Variants in CFL2 observed in about 807,000 individuals in gnomAD.
CFL2 encodes cofilin-2.
In CFL2, 10 loss-of-function variants were observed where a neutral mutation model predicts 19.6. The observed-to-expected ratio is 0.51, with a 90% CI of 0.31 to 0.86. CFL2 has a LOEUF of 0.86. Among genes scored for constraint, CFL2 ranks in the 40% least tolerant of loss-of-function variants. The pLI is 0.04. For synonymous variants in CFL2, 63 were observed against 66.7 expected (o/e 0.95, Z 0.27); for missense variants, 125 against 192.1 (o/e 0.65, Z 2.06).
chr14:34,709,539 C>T lies in CFL2; in HGVS notation c.*3326G>A, dbSNP rs1301340375. 6.8e-6 allele frequency: 1 copy of T among 147,444 alleles called. No homozygotes were observed. The highest frequency in any genetic ancestry group is 2.5e-5 in the African/African-American group (1 of 39,794). The allele number at this position is 147,444 out of a possible 1,614,324, so 9.1% of individuals were successfully genotyped here. On this transcript the variant is annotated 3_prime_UTR_variant, in exon 4 of 4. Coordinates refer to ENST00000298159, the MANE Select transcript of CFL2 (RefSeq NM_138638.5). ...ATGCAATCCTAGCACTTTTGGGAGG[C>T]GGAGGTCAGAGGACAGCTTGAGCCC...
chr14:34,713,798 A>T, intron 1 of CFL2: 2 of 1,601,158 alleles, frequency 1.2e-6, no homozygotes, highest in African/African-American at 1.3e-5. Context: ...CGAAAGGGAC[A>T]AATACAAGTT....
chr14:34,713,803 C>CA, intron 1 of CFL2: 2 of 1,594,128 alleles, frequency 1.3e-6, no homozygotes, highest in Non-Finnish European at 1.7e-6. Context: ...GGGACAAATA[C>CA]AAGTTGTCCC....
Position 34,711,468 on chromosome 14 carries a change from G to T in CFL2, c.*1397C>A, listed in dbSNP as rs1246841717. On this transcript the variant is annotated 3_prime_UTR_variant, in exon 4 of 4. Transcript: ENST00000298159. Reference sequence around the variant, plus strand: ...AATCCCACTACTAATGTTTAAGACTGCTATTATCAATTCCTATTCCAATTC... The same window carrying T: ...AATCCCACTACTAATGTTTAAGACTTCTATTATCAATTCCTATTCCAATTC... 8.2e-6 allele frequency: 3 copies of T among 363,640 alleles called. No individual in the cohort carries two copies. Among genetic ancestry groups the T allele is most frequent in the Non-Finnish European group, 1.6e-5 (3 of 183,914 alleles). The allele number at this position is 363,640 out of a possible 1,614,324, so 22.5% of individuals were successfully genotyped here.
In CFL2 at chr14:34,712,324, T is replaced by C. The variant is rs144345993; in HGVS notation, c.*541A>G. 430 of 454,584 alleles carry C rather than the reference T, an allele frequency of 9.5e-4. No homozygotes were observed. Among genetic ancestry groups the C allele is most frequent in the Non-Finnish European group, 1.5e-3 (331 of 226,796 alleles). 28.2% of individuals were successfully genotyped at this position (454,584 alleles called of 1,614,324 possible). A position where few individuals can be genotyped will look rare whatever the true frequency, so the allele number is the denominator to read the frequency against. ...CACAGTTAACAAAACTTAATTGGCA[T>C]TCCTTTTAGGATATTAAACTTATTA... is the stretch of plus-strand genomic sequence containing the variant. On this transcript the variant is annotated 3_prime_UTR_variant, in exon 4 of 4. Coordinates refer to ENST00000298159, the MANE Select transcript of CFL2 (RefSeq NM_138638.5).
Position 34,714,576 on chromosome 14 carries a change from C to G in CFL2, c.-36G>C. On this transcript the variant is annotated 5_prime_UTR_variant, in exon 1 of 4. Coordinates refer to ENST00000298159, the MANE Select transcript of CFL2 (RefSeq NM_138638.5). ...GCTGTGGCTGCGGCGGCAGCTCGGG[C>G]TTCGGCTCTGTGGCACTGGGAGGAG... is the stretch of plus-strand genomic sequence containing the variant. 6.4e-7 allele frequency: 1 copy of G among 1,551,230 alleles called. No individual in the cohort carries two copies. Among genetic ancestry groups the G allele is most frequent in the Non-Finnish European group, 8.7e-7 (1 of 1,143,690 alleles).
Position 34,712,130 on chromosome 14 carries a change from T to G in CFL2, c.*735A>C. The G allele has an allele frequency of 4.4e-6, 2 of 454,518 alleles. No homozygotes were observed. The highest frequency in any genetic ancestry group is 1.6e-5 in the South Asian group (1 of 64,480). 28.2% of individuals were successfully genotyped at this position (454,518 alleles called of 1,614,324 possible). A position where few individuals can be genotyped will look rare whatever the true frequency, so the allele number is the denominator to read the frequency against. ...CAGAAATTGCCATCATGACTGATAT[T>G]CAAAATATCTTTAGTGTTGCAGGAC... On this transcript the variant is annotated 3_prime_UTR_variant, in exon 4 of 4. Coordinates refer to ENST00000298159, the MANE Select transcript of CFL2 (RefSeq NM_138638.5).
rs1365495905 is a variant in CFL2, at chr14:34,710,690, T to C, written c.*2175A>G. On this transcript the variant is annotated 3_prime_UTR_variant, in exon 4 of 4. Transcript: ENST00000298159. ...TACGCACAAAGATGTATTTCAAAGATGAACTTAATTATATTAGTATCAGTT... is the reference window on the plus strand; with the variant it reads ...TACGCACAAAGATGTATTTCAAAGACGAACTTAATTATATTAGTATCAGTT... 4.4e-6 allele frequency: 2 copies of C among 451,588 alleles called. No individual in the cohort carries two copies. Among genetic ancestry groups the C allele is most frequent in the African/African-American group, 2.0e-5 (1 of 49,958 alleles). The allele number at this position is 451,588 out of a possible 1,614,324, so 28.0% of individuals were successfully genotyped here. A position where few individuals can be genotyped will look rare whatever the true frequency, so the allele number is the denominator to read the frequency against.
chr14:34,709,787 C>CA lies in CFL2; in HGVS notation c.*3077dup, dbSNP rs71453649. 0.017 allele frequency: 1,190 copies of CA among 69,480 alleles called. 66 individuals carry two copies. Among genetic ancestry groups the CA allele is most frequent in the East Asian group, 0.17 (440 of 2,576 alleles). The allele number at this position is 69,480 out of a possible 1,614,324, so 4.3% of individuals were successfully genotyped here. ...TGGGCAACAGAGTGAGACCCTGTCT[C>CA]AAAAAAAAAAAAAAAAAAAGGCAAC... On this transcript the variant is annotated 3_prime_UTR_variant, in exon 4 of 4. Transcript: ENST00000298159.
chr14:34,711,293 C>T lies in CFL2; in HGVS notation c.*1572G>A, dbSNP rs982174507. ...TTACTAGCATGCCTGTTTTGCATAC[C>T]AGTAGAATCAAGTCCAGTTTTGCCA... On this transcript the variant is annotated 3_prime_UTR_variant, in exon 4 of 4. Coordinates refer to ENST00000298159, the MANE Select transcript of CFL2 (RefSeq NM_138638.5). 4.4e-6 allele frequency: 2 copies of T among 454,456 alleles called. No homozygotes were observed. Among genetic ancestry groups the T allele is most frequent in the Non-Finnish European group, 4.4e-6 (1 of 226,788 alleles). 28.2% of individuals were successfully genotyped at this position (454,456 alleles called of 1,614,324 possible). A position where few individuals can be genotyped will look rare whatever the true frequency, so the allele number is the denominator to read the frequency against.
At position 34,712,189 on chromosome 14, in the gene CFL2, C is replaced by A. The variant is rs1458315720; in HGVS notation, c.*676G>T. On this transcript the variant is annotated 3_prime_UTR_variant, in exon 4 of 4. Coordinates refer to ENST00000298159, the MANE Select transcript of CFL2 (RefSeq NM_138638.5). Reference sequence around the variant, plus strand: ...TAAACATAAAACTCCTACACTTATTCAGTAGTGTACACTCAATGGAAAACA... The same window carrying A: ...TAAACATAAAACTCCTACACTTATTAAGTAGTGTACACTCAATGGAAAACA... The A allele has an allele frequency of 2.2e-6, 1 of 454,434 alleles. No homozygotes were observed. The highest frequency in any genetic ancestry group is 2.3e-5 in the Admixed American group (1 of 42,558). 28.2% of individuals were successfully genotyped at this position (454,434 alleles called of 1,614,324 possible). A position where few individuals can be genotyped will look rare whatever the true frequency, so the allele number is the denominator to read the frequency against.
In CFL2 at chr14:34,712,127, T is replaced by TA; in HGVS notation, c.*737dup. On this transcript the variant is annotated 3_prime_UTR_variant, in exon 4 of 4. Coordinates refer to ENST00000298159, the MANE Select transcript of CFL2 (RefSeq NM_138638.5). ...ATACAGAAATTGCCATCATGACTGA[T>TA]ATTCAAAATATCTTTAGTGTTGCAG... 2.2e-6 allele frequency: 1 copy of TA among 454,554 alleles called. No individual in the cohort carries two copies. The highest frequency in any genetic ancestry group is 1.6e-5 in the South Asian group (1 of 64,478). The allele number at this position is 454,554 out of a possible 1,614,324, so 28.2% of individuals were successfully genotyped here.
At chr14:34,713,756 T>C in intron 1 of CFL2, 195 bp from the exon 2 acceptor site, 1 of 1,611,990 alleles carries the variant, frequency 6.2e-7, no homozygotes. Flanking sequence ...TCCTGCCCAT[T>C]CATCCTTCTT....
chr14:34,713,450 AG>A lies in CFL2; in HGVS notation c.114del (p.Cys39ValfsTer2). On this transcript the variant is annotated frameshift_variant, in exon 2 of 4. Transcript: ENST00000298159. LOFTEE classifies it high-confidence loss of function. ...ATTTGTCTTTTGTCATCGCTTAAAC[AG>A]AAGAGAACTGCTTTCTTTCTCTTTT... ...EIKKRKKAVL[F>X]CLSDDKRQII... The A allele has an allele frequency of 1.2e-6, 2 of 1,614,122 alleles. No individual in the cohort carries two copies. The highest frequency in any genetic ancestry group is 1.7e-6 in the Non-Finnish European group (2 of 1,179,976).
rs1885386508 is a variant in CFL2 at position 34,713,439 on chromosome 14, A to G, written c.126T>C (p.Asp42=). The G allele has an allele frequency of 6.2e-7, 1 of 1,613,944 alleles. No homozygotes were observed. The highest frequency in any genetic ancestry group is 1.3e-5 in the African/African-American group (1 of 74,896). The part of the protein sequence containing the change: ...RKKAVLFCLS[D]DKRQIIVEEA... ...CCTCTACAATTATTTGTCTTTTGTC[A>G]TCGCTTAAACAGAAGAGAACTGCTT... Residue 42 remains aspartate, a synonymous_variant, in exon 2 of 4, where the codon GAT becomes GAC. Transcript: ENST00000298159.
At chr14:34,713,642 C>T (rs1885396143) in intron 1 of CFL2, 81 bp from the exon 2 acceptor site, 14 of 1,613,878 alleles carry the variant, frequency 8.7e-6, no homozygotes, top group Non-Finnish European at 1.2e-5. Context: ...AGAAGACTCA[C>T]TTTAGTCTGG....
rs11539496 is a variant in CFL2 at position 34,711,940 on chromosome 14, A to G, written c.*925T>C. 0.2 allele frequency: 92,912 copies of G among 454,002 alleles called. 11,912 individuals carry two copies. The highest frequency in any genetic ancestry group is 0.46 in the African/African-American group (22,880 of 49,976). 28.1% of individuals were successfully genotyped at this position (454,002 alleles called of 1,614,324 possible). A position where few individuals can be genotyped will look rare whatever the true frequency, so the allele number is the denominator to read the frequency against. ...AATGACCAGTGCAGAGATTAGTAAT[A>G]GCTGTTTTTACCCTAGAAGTTGTTT... On this transcript the variant is annotated 3_prime_UTR_variant, in exon 4 of 4. Coordinates refer to ENST00000298159, the MANE Select transcript of CFL2 (RefSeq NM_138638.5).
Position 34,711,217 on chromosome 14 carries a change from A to G in CFL2, c.*1648T>C, listed in dbSNP as rs751058874. ...GATATTTTCTTTCCTGTTTTCTGCT[A>G]AAAGCATTCCTCTGAGCTATGGGGT... is the stretch of plus-strand genomic sequence containing the variant. On this transcript the variant is annotated 3_prime_UTR_variant, in exon 4 of 4. Coordinates refer to ENST00000298159, the MANE Select transcript of CFL2 (RefSeq NM_138638.5). The G allele has an allele frequency of 2.2e-6, 1 of 454,550 alleles. No homozygotes were observed. The highest frequency in any genetic ancestry group is 1.6e-5 in the South Asian group (1 of 64,482). The allele number at this position is 454,550 out of a possible 1,614,324, so 28.2% of individuals were successfully genotyped here.
chr14:34,714,192 G>T (rs1885415854), intron 1 of CFL2: 1 of 375,998 alleles, frequency 2.7e-6, no homozygotes, highest in Non-Finnish European at 4.8e-6. Context: ...TTCGCAGCAC[G>T]TACCAATTTT....
At position 34,710,726 on chromosome 14, in the gene CFL2, A is replaced by G; in HGVS notation, c.*2139T>C. 2.2e-6 allele frequency: 1 copy of G among 452,076 alleles called. No homozygotes were observed. Among genetic ancestry groups the G allele is most frequent in the Non-Finnish European group, 4.4e-6 (1 of 226,224 alleles). The allele number at this position is 452,076 out of a possible 1,614,324, so 28.0% of individuals were successfully genotyped here. ...ATATTAGTATCAGTTTTGTCAATCTAGCAAATCAAAGTATCACAGTTTAAA... is the reference window on the plus strand; with the variant it reads ...ATATTAGTATCAGTTTTGTCAATCTGGCAAATCAAAGTATCACAGTTTAAA... On this transcript the variant is annotated 3_prime_UTR_variant, in exon 4 of 4. Coordinates refer to ENST00000298159, the MANE Select transcript of CFL2 (RefSeq NM_138638.5).
Sources: gnomAD v4.1 joint callset for allele counts on GRCh38, gnomAD v4.1.1 for gene constraint, MANE v1.5 for transcripts, NCBI Gene and HGNC (gene_info 2026-07-23, HGNC 2026-07-21) for gene names.